The following ETV1 variants were observed in gnomAD, a reference collection of about 807,000 sequenced individuals.
The protein encoded by ETV1 is ETS translocation variant 1.
In ETV1, 27 loss-of-function variants were observed where a neutral mutation model predicts 62.3. That is an observed-to-expected ratio of 0.43 (90% confidence interval 0.32 to 0.60). The LOEUF is 0.60. Ranked by LOEUF, ETV1 falls within the 20% of genes least tolerant of loss-of-function variation. The probability of loss-of-function intolerance (pLI) is 0.06; values close to 1 mark genes in which losing one functional copy is unlikely to be tolerated. For synonymous variants in ETV1, 222 were observed against 199.6 expected (o/e 1.11, Z -0.94); for missense variants, 605 against 605.8 (o/e 1.00, Z 0.01).
chr7:13,935,595 T>G (rs556295979), intron 8 of ETV1, 113 bp downstream of exon 8: 2 of 838,738 alleles, frequency 2.4e-6, no homozygotes, highest in Non-Finnish European at 3.8e-6. Context: ...TGCACAGATG[T>G]GCAAAATTAA....
intron 6 of ETV1, among the ~76,000 whole-genome samples, chr7:13,963,231 G>A (rs1167296404): frequency 6.6e-6 from 1 of 151,960 alleles, no homozygotes; most frequent in Non-Finnish European, 1.5e-5. Flanking sequence ...TCATCTTTCA[G>A]TTCACAGCAC....
At chr7:13,983,621 C>CT (rs34955846) in intron 5 of ETV1, among the ~76,000 whole-genome samples, 82,421 of 144,616 alleles carry the variant, frequency 0.57, 23,440 homozygotes, top group African/African-American at 0.63. Flanking sequence ...TATTCCCTGA[C>CT]TTTTTTTTTT....
chr7:13,930,556 C>T (rs1223712930), intron 9 of ETV1, among the ~76,000 whole-genome samples: 5 of 151,740 alleles, frequency 3.3e-5, no homozygotes, highest in African/African-American at 7.3e-5. Flanking sequence ...CTCCTGACCT[C>T]GTAATCCGCC....
chr7:13,988,741 T>C (rs761995590), intron 3 of ETV1: 2 of 1,612,826 alleles, frequency 1.2e-6, no homozygotes, highest in Non-Finnish European at 1.7e-6. Flanking sequence ...CAGCTGCTGC[T>C]GCCCTCCATC....
At chr7:13,935,593 T>A (rs1166595669) in intron 8 of ETV1, 115 bp downstream of exon 8, 3 of 789,238 alleles carry the variant, frequency 3.8e-6, no homozygotes, top group Non-Finnish European at 2.1e-6. Context: ...TTTGCACAGA[T>A]GTGCAAAATT....
At chr7:13,980,151 T>A (rs1781840885) in intron 5 of ETV1, among the ~76,000 whole-genome samples, 1 of 152,174 alleles carries the variant, frequency 6.6e-6, no homozygotes, top group Admixed American at 6.6e-5. Flanking sequence ...TGACTCACAT[T>A]TTCACAGAAG....
chr7:13,956,441 G>A (rs1789472525), intron 6 of ETV1, among the ~76,000 whole-genome samples: 1 of 152,016 alleles, frequency 6.6e-6, no homozygotes, highest in African/African-American at 2.4e-5. Flanking sequence ...CAGGAACCAA[G>A]CCTTGTCTGA....
At chr7:13,896,743 G>GGAAAGGAAAGAAA (rs1781846972) in intron 13 of ETV1, among the ~76,000 whole-genome samples, 1 of 115,302 alleles carries the variant, frequency 8.7e-6, no homozygotes, top group East Asian at 2.7e-4. Flanking sequence ...AAGAAAGAAA[G>GGAAAGGAAAGAAA]GAAAGAAAGA....
chr7:13,988,666 G>C, intron 3 of ETV1: 2 of 1,593,994 alleles, frequency 1.3e-6, no homozygotes, highest in Non-Finnish European at 1.7e-6. Flanking sequence ...AAAAGTGTCA[G>C]CATTTGTCTC....
chr7:13,893,903 A>G lies in ETV1; in HGVS notation c.*1963T>C, dbSNP rs1781551107. 8.6e-6 allele frequency: 2 copies of G among 233,264 alleles called. No homozygotes were observed. Among genetic ancestry groups the G allele is most frequent in the Non-Finnish European group, 1.7e-5 (2 of 117,818 alleles). 14.4% of individuals were successfully genotyped at this position (233,264 alleles called of 1,614,324 possible). ...AATGGGCCAAAATAATACATGATGT[A>G]TATGAACAACAATCATTGAAATCGC... On this transcript the variant is annotated 3_prime_UTR_variant, in exon 14 of 14. Coordinates refer to ENST00000430479, the MANE Select transcript of ETV1 (RefSeq NM_004956.5).
chr7:13,963,584 G>A (rs1406110778), intron 6 of ETV1, among the ~76,000 whole-genome samples: 1 of 149,564 alleles, frequency 6.7e-6, no homozygotes, highest in East Asian at 2.0e-4. Flanking sequence ...TATAGAGAGA[G>A]AAGTTTACTG....
At chr7:13,911,458 C>T (rs1009917092) in intron 9 of ETV1, among the ~76,000 whole-genome samples, 151 bp from the exon 10 acceptor site, 1 of 152,016 alleles carries the variant, frequency 6.6e-6, no homozygotes, top group East Asian at 1.9e-4. Context: ...TCAGGCAGGG[C>T]CCACACATGA....
Position 13,894,505 on chromosome 7 carries a change from G to A in ETV1, c.*1361C>T, listed in dbSNP as rs1583536696. 2.2e-5 allele frequency: 5 copies of A among 232,358 alleles called. No homozygotes were observed. The East Asian group carries it at 3.1e-4, about 14-fold the overall frequency. 14.4% of individuals were successfully genotyped at this position (232,358 alleles called of 1,614,324 possible). On this transcript the variant is annotated 3_prime_UTR_variant, in exon 14 of 14. Coordinates refer to ENST00000430479, the MANE Select transcript of ETV1 (RefSeq NM_004956.5). Reference sequence around the variant, plus strand: ...ACTTCCTCATATTCTTTGACGGTTTGTAAATAATTTTCCATATCACCAAAA... The same window carrying A: ...ACTTCCTCATATTCTTTGACGGTTTATAAATAATTTTCCATATCACCAAAA...
At chr7:13,957,184 T>C (rs919402433) in intron 6 of ETV1, among the ~76,000 whole-genome samples, 21 of 151,972 alleles carry the variant, frequency 1.4e-4, no homozygotes, top group African/African-American at 3.9e-4. Flanking sequence ...CTCCCAGGTT[T>C]ACGCCATTCT....
At chr7:13,982,958 C>T (rs1782148180) in intron 5 of ETV1, among the ~76,000 whole-genome samples, 4 of 151,934 alleles carry the variant, frequency 2.6e-5, no homozygotes, top group Admixed American at 6.6e-5. Flanking sequence ...GCCATTAAAG[C>T]GAATTGAGGG....
At chr7:13,930,440 G>A (rs574950248) in intron 9 of ETV1, among the ~76,000 whole-genome samples, 1 of 152,074 alleles carries the variant, frequency 6.6e-6, no homozygotes, top group East Asian at 1.9e-4. Flanking sequence ...TCCTGCCTCA[G>A]CCTACCAAGT....
In ETV1 at chr7:13,893,613, AAGG is replaced by A. The variant is rs147991821; in HGVS notation, c.*2250_*2252del. ...AAACTAGACTATTAAAAAGAAGAAA[AAGG>A]AGAAAAGAGAAAAAGAAAAAAAAGG... On this transcript the variant is annotated 3_prime_UTR_variant, in exon 14 of 14. Coordinates refer to ENST00000430479, the MANE Select transcript of ETV1 (RefSeq NM_004956.5). The A allele has an allele frequency of 5.3e-3, 1,239 of 232,398 alleles. 17 individuals carry two copies. Among genetic ancestry groups the A allele is most frequent in the African/African-American group, 0.025 (1,151 of 45,398 alleles). 14.4% of individuals were successfully genotyped at this position (232,398 alleles called of 1,614,324 possible).
chr7:13,984,410 G>A (rs1341154085), intron 5 of ETV1, among the ~76,000 whole-genome samples: 2 of 151,856 alleles, frequency 1.3e-5, no homozygotes, highest in Non-Finnish European at 2.9e-5. Context: ...AGCTAATACC[G>A]TTCAAGAGGT....
rs77048523 is a variant in ETV1, at chr7:13,899,818, T to C, written c.1212+920A>G. Among the ~76,000 whole-genome samples the C allele has an allele frequency of 6.1e-3, 927 of 152,294 alleles. 64 individuals are homozygous for C. The East Asian group carries it at 0.15, about 24-fold the overall frequency. ...ATTTTAAGTGTAATTCACTTGTTTT[T>C]TCTCTACTCTTTTTTAAAAAGCTAC... On this transcript the variant is annotated intron_variant, in intron 13 of 13. Coordinates refer to ENST00000430479, the MANE Select transcript of ETV1 (RefSeq NM_004956.5).
Sources: gnomAD v4.1 joint callset for allele counts (sites outside exome capture counted in the v4.1 genomes callset) on GRCh38, gnomAD v4.1.1 for gene constraint, MANE v1.5 for transcripts, NCBI Gene and HGNC (gene_info 2026-07-23, HGNC 2026-07-21) for gene names.